CDKN1A: variants seen among roughly 807,000 people sequenced by gnomAD.
CDKN1A encodes cyclin-dependent kinase inhibitor 1.
Under a neutral mutation model 14.8 loss-of-function variants are expected in CDKN1A, and 14 were observed. The ratio of observed to expected loss-of-function variants is 0.94; its 90% CI spans 0.62 to 1.48. The LOEUF (loss-of-function observed/expected upper bound fraction) is 1.48, where lower values mean the gene tolerates loss of function less well. CDKN1A is among the 40% of genes most tolerant of loss of function. The pLI, the probability that CDKN1A is intolerant of heterozygous loss-of-function variation, is 0.00. For missense variants in CDKN1A, 203 were observed against 231.7 expected (o/e 0.88, Z 0.80); for synonymous variants, 92 against 93.5 (o/e 0.98, Z 0.09).
At chr6:36,681,281 T>C (rs868056782) in intron 1 of CDKN1A, among the ~76,000 whole-genome samples, 1 of 77,978 alleles carries the variant, frequency 1.3e-5, no homozygotes, top group Non-Finnish European at 2.8e-5. Flanking sequence ...TCTTTCTTTT[T>C]TTCTTTCTTT....
chr6:36,687,261 G>C lies in CDKN1A; in HGVS notation c.*1461G>C, dbSNP rs1166317774. On this transcript the variant is annotated 3_prime_UTR_variant, in exon 3 of 3. Transcript: ENST00000244741. ...CAGGGACCACACCCTGTACTGTTCTGTGTCTTTCACAGCTCCTCCCACAAT... is the reference window on the plus strand; with the variant it reads ...CAGGGACCACACCCTGTACTGTTCTCTGTCTTTCACAGCTCCTCCCACAAT... 3 of 232,876 alleles carry C rather than the reference G, an allele frequency of 1.3e-5. No homozygotes were observed. Among genetic ancestry groups the C allele is most frequent in the African/African-American group, 4.4e-5 (2 of 45,298 alleles). 14.4% of individuals were successfully genotyped at this position (232,876 alleles called of 1,614,324 possible). A position where few individuals can be genotyped will look rare whatever the true frequency, so the allele number is the denominator to read the frequency against.
In CDKN1A at chr6:36,684,508, A is replaced by G. The variant is rs1398138707; in HGVS notation, c.407A>G (p.Asp136Gly). ...QAEGSPGGPG[D>G]SQGRKRRQTS... ...GAAGGGTCCCCAGGTGGACCTGGAG[A>G]CTCTCAGGGTCGAAAACGGCGGCAG... Residue 136 changes from aspartate to glycine, a missense_variant, in exon 2 of 3, where the codon GAC (aspartate) becomes GGC (glycine). Coordinates refer to ENST00000244741, the MANE Select transcript of CDKN1A (RefSeq NM_000389.5). The surrounding 1 kb of genome is among the most constrained non-coding windows in gnomAD (Gnocchi z 6.0). 4 of 1,613,816 alleles carry G rather than the reference A, an allele frequency of 2.5e-6. No homozygotes were observed. Among genetic ancestry groups the G allele is most frequent in the Non-Finnish European group, 3.4e-6 (4 of 1,179,946 alleles).
Position 36,685,918 on chromosome 6 carries a change from A to G in CDKN1A, c.*118A>G. The G allele has an allele frequency of 9.7e-7, 1 of 1,034,570 alleles. No individual in the cohort carries two copies. Among genetic ancestry groups the G allele is most frequent in the Non-Finnish European group, 1.5e-6 (1 of 664,558 alleles). 64.1% of individuals were successfully genotyped at this position (1,034,570 alleles called of 1,614,324 possible). A position where few individuals can be genotyped will look rare whatever the true frequency, so the allele number is the denominator to read the frequency against. On this transcript the variant is annotated 3_prime_UTR_variant, in exon 3 of 3. Transcript: ENST00000244741. ...TTATTATTTGTGTTTTAATTTAAACACCTCCTCATGTACATACCCTGGCCG... is the reference window on the plus strand; with the variant it reads ...TTATTATTTGTGTTTTAATTTAAACGCCTCCTCATGTACATACCCTGGCCG...
rs1762126644 is a variant in CDKN1A at position 36,684,389 on chromosome 6, C to A, written c.288C>A (p.Gly96=). 6.2e-7 allele frequency: 1 copy of A among 1,613,246 alleles called. No individual in the cohort carries two copies. The highest frequency in any genetic ancestry group is 8.5e-7 in the Non-Finnish European group (1 of 1,179,718). The change falls in exon 2 of 3, where the codon GGC becomes GGA. Residue 96 remains glycine (G), a synonymous_variant. Transcript: ENST00000244741. This position sits in a 1 kb window ranked among gnomAD's most constrained non-coding sequence, Gnocchi z 6.0. ...AGTTGGGAGGAGGCAGGCGGCCTGG[C>A]ACCTCACCTGCTCTGCTGCAGGGGA... ...RDELGGGRRP[G]TSPALLQGTA...
intron 1 of CDKN1A, among the ~76,000 whole-genome samples, chr6:36,680,307 C>CGG (rs1554185236): frequency 7.5e-6 from 1 of 133,188 alleles, no homozygotes. Flanking sequence ...TCTGCGCGGG[C>CGG]GTGTGTGTGT....
Position 36,684,061 on chromosome 6 carries a change from G to T in CDKN1A, c.-5-36G>T, listed in dbSNP as rs550002404. 1.9e-6 allele frequency: 3 copies of T among 1,601,956 alleles called. No homozygotes were observed. Among genetic ancestry groups the T allele is most frequent in the Non-Finnish European group, 2.6e-6 (3 of 1,173,462 alleles). ...CCAGGTAACATAGTGTCTAATCTCC[G>T]CCGTGACCAGGGCCTTCCTTGTATC... On this transcript the variant is annotated intron_variant, in intron 1 of 2. Transcript: ENST00000244741. This position sits in a 1 kb window ranked among gnomAD's most constrained non-coding sequence, Gnocchi z 6.0.
At position 36,684,311 on chromosome 6, in the gene CDKN1A, C is replaced by A. The variant is rs1259966503; in HGVS notation, c.210C>A (p.Gly70=). ...EGDFAWERVR[G]LGLPKLYLPT... ...ACTTCGCCTGGGAGCGTGTGCGGGG[C>A]CTTGGCCTGCCCAAGCTCTACCTTC... The change falls in exon 2 of 3, where the codon GGC becomes GGA. Residue 70 remains glycine (G), a synonymous_variant. Coordinates refer to ENST00000244741, the MANE Select transcript of CDKN1A (RefSeq NM_000389.5). The surrounding 1 kb of genome is among the most constrained non-coding windows in gnomAD (Gnocchi z 6.0). 6.2e-7 allele frequency: 1 copy of A among 1,613,274 alleles called. No individual in the cohort carries two copies. Among genetic ancestry groups the A allele is most frequent in the Non-Finnish European group, 8.5e-7 (1 of 1,179,980 alleles).
Position 36,684,507 on chromosome 6 carries a change from G to A in CDKN1A, c.406G>A (p.Asp136Asn). 6.2e-7 allele frequency: 1 copy of A among 1,614,240 alleles called. No individual in the cohort carries two copies. Among genetic ancestry groups the A allele is most frequent in the Admixed American group, 1.7e-5 (1 of 60,036 alleles). ...QAEGSPGGPG[D>N]SQGRKRRQTS... ...TGAAGGGTCCCCAGGTGGACCTGGA[G>A]ACTCTCAGGGTCGAAAACGGCGGCA... is the stretch of plus-strand genomic sequence containing the variant. Residue 136 changes from aspartate to asparagine, a missense_variant, in exon 2 of 3, where the codon GAC becomes AAC. Physicochemically the swap from Asp to Asn is conservative, Grantham distance 23. Transcript: ENST00000244741. This position sits in a 1 kb window ranked among gnomAD's most constrained non-coding sequence, Gnocchi z 6.0.
In CDKN1A at chr6:36,684,196, G is replaced by A. The variant is rs1477458254; in HGVS notation, c.95G>A (p.Arg32His). 10 of 1,611,776 alleles carry A rather than the reference G, an allele frequency of 6.2e-6. No homozygotes were observed. Among genetic ancestry groups the A allele is most frequent in the African/African-American group, 1.3e-5 (1 of 74,948 alleles). The change falls in exon 2 of 3, where the codon CGC (arginine) becomes CAC (histidine). Residue 32 changes from arginine (R) to histidine (H), a missense_variant. Arg to His is a conservative substitution (Grantham distance 29, BLOSUM62 0). Coordinates refer to ENST00000244741, the MANE Select transcript of CDKN1A (RefSeq NM_000389.5). The surrounding 1 kb of genome is among the most constrained non-coding windows in gnomAD (Gnocchi z 6.0). ...FGPVDSEQLS[R>H]DCDALMAGCI... Reference sequence around the variant, plus strand: ...CCAGTGGACAGCGAGCAGCTGAGCCGCGACTGTGATGCGCTAATGGCGGGC... The same window carrying A: ...CCAGTGGACAGCGAGCAGCTGAGCCACGACTGTGATGCGCTAATGGCGGGC...
chr6:36,676,970 T>TA (rs954806610), upstream of CDKN1A, among the ~76,000 whole-genome samples: 2 of 151,604 alleles, frequency 1.3e-5, no homozygotes, highest in African/African-American at 2.4e-5. Context: ...AAGCCTTTAT[T>TA]AAAAAAAATT....
intron 1 of CDKN1A, among the ~76,000 whole-genome samples, chr6:36,681,281 T>TCTTTCTTTCC (rs1562037987): frequency 6.5e-4 from 51 of 78,026 alleles, no homozygotes; most frequent in South Asian, 2.9e-3. Context: ...TCTTTCTTTT[T>TCTTTCTTTCC]TTCTTTCTTT....
rs3176347 is a variant in CDKN1A at position 36,683,198 on chromosome 6, A to T, written c.-5-899A>T. 2.4e-4 allele frequency among the ~76,000 whole-genome samples: 37 copies of T among 152,282 alleles called. No homozygotes were observed. The South Asian group carries it at 7.1e-3, about 29-fold the overall frequency. On this transcript the variant is annotated intron_variant, in intron 1 of 2. Transcript: ENST00000244741. ...ACCTACATTAACTCAGTTAATTCTC[A>T]TGTCTATCCTCTGAGACAGTCACTA...
Position 36,685,847 on chromosome 6 carries a change from G to T in CDKN1A, c.*47G>T. The T allele has an allele frequency of 6.5e-7, 1 of 1,528,416 alleles. No individual in the cohort carries two copies. The highest frequency in any genetic ancestry group is 9.1e-7 in the Non-Finnish European group (1 of 1,102,536). 94.7% of individuals were successfully genotyped at this position (1,528,416 alleles called of 1,614,324 possible). A position where few individuals can be genotyped will look rare whatever the true frequency, so the allele number is the denominator to read the frequency against. On this transcript the variant is annotated 3_prime_UTR_variant, in exon 3 of 3. Transcript: ENST00000244741. ...GTCCTGGAAGCGCGAGGGCCTCAAAGGCCCGCTCTACATCTTCTGCCTTAG... is the reference window on the plus strand; with the variant it reads ...GTCCTGGAAGCGCGAGGGCCTCAAATGCCCGCTCTACATCTTCTGCCTTAG...
chr6:36,684,498 G>A lies in CDKN1A; in HGVS notation c.397G>A (p.Gly133Arg), dbSNP rs2150314375. ...SGEQAEGSPG[G>R]PGDSQGRKRR... ...GGAGCAGGCTGAAGGGTCCCCAGGT[G>A]GACCTGGAGACTCTCAGGGTCGAAA... The change falls in exon 2 of 3, where the codon GGA becomes AGA. Residue 133 changes from glycine to arginine, a missense_variant. Transcript: ENST00000244741. This position sits in a 1 kb window ranked among gnomAD's most constrained non-coding sequence, Gnocchi z 6.0. The A allele has an allele frequency of 1.1e-5, 18 of 1,614,210 alleles. No homozygotes were observed. The highest frequency in any genetic ancestry group is 1.4e-5 in the Non-Finnish European group (17 of 1,180,016).
In CDKN1A at chr6:36,684,539, C is replaced by T. The variant is rs773101798; in HGVS notation, c.438C>T (p.Ser146=). 35 of 1,613,924 alleles carry T rather than the reference C, an allele frequency of 2.2e-5. No homozygotes were observed. The highest frequency in any genetic ancestry group is 4.5e-5 in the East Asian group (2 of 44,894). The change falls in exon 2 of 3, where the codon AGC becomes AGT. Residue 146 remains serine (S), a synonymous_variant. Coordinates refer to ENST00000244741, the MANE Select transcript of CDKN1A (RefSeq NM_000389.5). The surrounding 1 kb of genome is among the most constrained non-coding windows in gnomAD (Gnocchi z 6.0). The part of the protein sequence containing the change: ...DSQGRKRRQT[S]MTDFYHSKRR... ...AGGGTCGAAAACGGCGGCAGACCAG[C>T]ATGACAGGTGCGGACATGTGCACGG... is the stretch of plus-strand genomic sequence containing the variant.
rs796939681 is a variant in CDKN1A, at chr6:36,681,332, C to T, written c.-6+2534C>T. Among the ~76,000 whole-genome samples, 489 of 61,998 alleles carry T rather than the reference C, an allele frequency of 7.9e-3. 9 individuals are homozygous for T. The highest frequency in any genetic ancestry group is 0.017 in the Admixed American group (90 of 5,276). The allele number at this position is 61,998 out of a possible 152,430, so 40.7% of individuals were successfully genotyped here. On this transcript the variant is annotated intron_variant, in intron 1 of 2. Coordinates refer to ENST00000244741, the MANE Select transcript of CDKN1A (RefSeq NM_000389.5). ...TCTTTCTTTCTTTCTTTCTTTCTTT[C>T]TTTTTCTTTCTTTCTTTCTTTTTCT...
In CDKN1A at chr6:36,678,840, G is replaced by A; in HGVS notation, c.-6+42G>A. On this transcript the variant is annotated intron_variant, in intron 1 of 2. Coordinates refer to ENST00000244741, the MANE Select transcript of CDKN1A (RefSeq NM_000389.5). The surrounding 1 kb of genome is among the most constrained non-coding windows in gnomAD (Gnocchi z 5.7). ...AGACAACAGGGGACCCCGGGCCGGC[G>A]GCCCAGAGCCGAGCCAAGCGTGCCC... is the stretch of plus-strand genomic sequence containing the variant. The A allele has an allele frequency of 1.0e-6, 1 of 985,684 alleles. No homozygotes were observed. Among genetic ancestry groups the A allele is most frequent in the Non-Finnish European group, 1.2e-6 (1 of 830,096 alleles). The allele number at this position is 985,684 out of a possible 1,614,324, so 61.1% of individuals were successfully genotyped here. A position where few individuals can be genotyped will look rare whatever the true frequency, so the allele number is the denominator to read the frequency against.
chr6:36,681,585 ATT>A (rs908259380), intron 1 of CDKN1A, among the ~76,000 whole-genome samples: 10 of 67,448 alleles, frequency 1.5e-4, no homozygotes, highest in African/African-American at 1.8e-4. Context: ...CCATGCCCAG[ATT>A]TTTTTTTTTT....
chr6:36,680,148 C>T (rs904205115), intron 1 of CDKN1A, among the ~76,000 whole-genome samples: 2 of 152,208 alleles, frequency 1.3e-5, no homozygotes, highest in Admixed American at 6.5e-5. Flanking sequence ...CCTTGCCTCC[C>T]TCCACGTCGC....
Sources: gnomAD v4.1 joint callset for allele counts (sites outside exome capture counted in the v4.1 genomes callset) on GRCh38, gnomAD v4.1.1 for gene constraint, Gnocchi (gnomAD v3.1) non-coding constraint, MANE v1.5 for transcripts, NCBI Gene and HGNC (gene_info 2026-07-23, HGNC 2026-07-21) for gene names.